The following CEP112 variants were observed in gnomAD, a reference collection of about 807,000 sequenced individuals.
CEP112 encodes centrosomal protein 112.
CEP112 carries 127 observed loss-of-function variants against 153.0 expected under a neutral mutation model. The observed-to-expected ratio is 0.83, with a 90% CI of 0.72 to 0.96. CEP112 has a LOEUF of 0.96. Among genes scored for constraint, CEP112 ranks in the 40% least tolerant of loss-of-function variants. The pLI is 0.00. For missense variants in CEP112, 1,089 were observed against 1,101.2 expected, an observed-to-expected ratio of 0.99 and a Z score of 0.16; for synonymous variants, 358 against 374.4, an observed-to-expected ratio of 0.96 and a Z score of 0.51.
intron 17 of CEP112, among the ~76,000 whole-genome samples, chr17:65,966,856 T>C (rs2062433249): frequency 6.6e-6 from 1 of 152,138 alleles, no homozygotes; most frequent in Admixed American, 6.6e-5. Context: ...CCCAGTAAAA[T>C]GAAAATTAGT....
chr17:66,015,708 C>T (rs1345453), intron 16 of CEP112, among the ~76,000 whole-genome samples: 62,523 of 152,082 alleles, frequency 0.41, 14,317 homozygotes, highest in East Asian at 0.87. Flanking sequence ...AAATCATTCT[C>T]TTTGTACTGT....
intron 2 of CEP112, among the ~76,000 whole-genome samples, chr17:66,180,968 C>T (rs968726123): frequency 6.6e-6 from 1 of 152,010 alleles, no homozygotes; most frequent in Non-Finnish European, 1.5e-5. Flanking sequence ...ATAAAATAAA[C>T]TTCATGAAAT....
intron 17 of CEP112, among the ~76,000 whole-genome samples, chr17:65,967,429 T>TG (rs2062454154): frequency 6.6e-6 from 1 of 152,186 alleles, no homozygotes; most frequent in Non-Finnish European, 1.5e-5. Context: ...ACAAGGGTGC[T>TG]GGCAGCAAAT....
chr17:65,924,881 G>C (rs981010549), intron 19 of CEP112, among the ~76,000 whole-genome samples: 2 of 152,108 alleles, frequency 1.3e-5, no homozygotes, highest in African/African-American at 4.8e-5. Context: ...AAGCCTCTGT[G>C]TTTTGTTTCA....
At chr17:65,938,116 AC>A (rs1443256077) in intron 18 of CEP112, among the ~76,000 whole-genome samples, 1 of 117,346 alleles carries the variant, frequency 8.5e-6, no homozygotes, top group South Asian at 4.1e-4. Flanking sequence ...CTGTGACCTT[AC>A]CCCCAACCCT....
rs141345338 is a variant in CEP112 at position 65,988,996 on chromosome 17, G to A, written c.1736+16694C>T. On this transcript the variant is annotated intron_variant, in intron 17 of 26. Coordinates refer to ENST00000535342, the MANE Select transcript of CEP112 (RefSeq NM_001199165.4). ...TCCCAGCACTTTGGGACGCTGAGGC[G>A]GGCAGATCACCAGGTCAGGAGATCG... Among the ~76,000 whole-genome samples, 463 of 152,010 alleles carry A rather than the reference G, an allele frequency of 3.0e-3. 3 individuals are homozygous for A. Among genetic ancestry groups the A allele is most frequent in the African/African-American group, 0.01 (417 of 41,476 alleles).
intron 16 of CEP112, among the ~76,000 whole-genome samples, chr17:66,023,415 C>G (rs1281516469): frequency 6.6e-6 from 1 of 152,114 alleles, no homozygotes; most frequent in Non-Finnish European, 1.5e-5. Context: ...GGGATCCGAT[C>G]TTCAGAGTGC....
chr17:65,975,981 G>GCA (rs1433193080), intron 17 of CEP112, among the ~76,000 whole-genome samples: 5 of 152,242 alleles, frequency 3.3e-5, no homozygotes, highest in Non-Finnish European at 7.3e-5. Flanking sequence ...TGTGCTGGAT[G>GCA]TGTTACGCAA....
intron 6 of CEP112, among the ~76,000 whole-genome samples, chr17:66,098,892 T>C (rs1314236576): frequency 1.3e-5 from 2 of 152,018 alleles, no homozygotes; most frequent in African/African-American, 4.8e-5. Flanking sequence ...GCCAGAGTGG[T>C]AGCATGGGGA....
chr17:65,760,963 C>T (rs35472390), intron 21 of CEP112, among the ~76,000 whole-genome samples: 41,302 of 151,894 alleles, frequency 0.27, 7,150 homozygotes, highest in Middle Eastern at 0.43. Flanking sequence ...TCTTTTTCTG[C>T]CTGTGCGAGT....
intron 21 of CEP112, among the ~76,000 whole-genome samples, chr17:65,844,843 G>A (rs9907056): frequency 0.39 from 58,362 of 151,504 alleles, 12,046 homozygotes; most frequent in East Asian, 0.79. Context: ...ATGAAACCCC[G>A]TCTCTACTAA....
chr17:65,946,316 G>T (rs1004137268), intron 18 of CEP112, among the ~76,000 whole-genome samples: 16 of 152,150 alleles, frequency 1.1e-4, no homozygotes, highest in Non-Finnish European at 2.4e-4. Flanking sequence ...CCCTTCATTT[G>T]TATATTTACA....
intron 24 of CEP112, among the ~76,000 whole-genome samples, chr17:65,644,803 C>A (rs1272862608): frequency 6.6e-6 from 1 of 152,180 alleles, no homozygotes; most frequent in Non-Finnish European, 1.5e-5. Flanking sequence ...GTCCCAACTA[C>A]TTGGGAGGCT....
At chr17:66,053,221 A>G (rs962609603) in intron 12 of CEP112, among the ~76,000 whole-genome samples, 1 of 151,220 alleles carries the variant, frequency 6.6e-6, no homozygotes, top group South Asian at 2.1e-4. Flanking sequence ...AATAAATAAG[A>G]CTAGGTACAG....
At chr17:65,748,029 G>A (rs1195824370) in intron 22 of CEP112, among the ~76,000 whole-genome samples, 1 of 152,076 alleles carries the variant, frequency 6.6e-6, no homozygotes, top group African/African-American at 2.4e-5. Flanking sequence ...ATATGAGTTA[G>A]AGATTCCAAC....
rs77924997 is a variant in CEP112 at position 65,965,518 on chromosome 17, C to T, written c.1737-3920G>A. Among the ~76,000 whole-genome samples, 169 of 122,056 alleles carry T rather than the reference C, an allele frequency of 1.4e-3. 3 individuals carry two copies. Among genetic ancestry groups the T allele is most frequent in the South Asian group, 4.9e-3 (18 of 3,674 alleles). The allele number at this position is 122,056 out of a possible 152,430, so 80.1% of individuals were successfully genotyped here. On this transcript the variant is annotated intron_variant, in intron 17 of 26. Coordinates refer to ENST00000535342, the MANE Select transcript of CEP112 (RefSeq NM_001199165.4). ...CTAATATTTAGAAACCTTCTGCCCC[C>T]TTTTTTTTTTTTTTTTTTCTTTGAG...
intron 24 of CEP112, among the ~76,000 whole-genome samples, chr17:65,681,541 T>C (rs973605155): frequency 2.0e-5 from 3 of 150,454 alleles, no homozygotes; most frequent in African/African-American, 7.4e-5. Context: ...GCATCTAGGA[T>C]GCAACATCTA....
chr17:65,752,130 A>AGT lies in CEP112; in HGVS notation c.2395-1408_2395-1407dup, dbSNP rs199650460. Among the ~76,000 whole-genome samples, 80 of 151,212 alleles carry AGT rather than the reference A, an allele frequency of 5.3e-4. 1 individual carries two copies. The East Asian group carries it at 0.013, about 25-fold the overall frequency. ...ATTTTAATTTTTTTCTGCTCAGTAG[A>AGT]GTGTGTGTGTGTGTTTCTGAGTTCC... On this transcript the variant is annotated intron_variant, in intron 21 of 26. Coordinates refer to ENST00000535342, the MANE Select transcript of CEP112 (RefSeq NM_001199165.4).
chr17:65,870,061 G>GAAAGAAAGAAAGAAAGAAAGAAAGA, intron 20 of CEP112, among the ~76,000 whole-genome samples: 6 of 71,976 alleles, frequency 8.3e-5, no homozygotes, highest in South Asian at 4.2e-4. Flanking sequence ...AAGAAAGAAA[G>GAAAGAAAGAAAGAAAGAAAGAAAGA]AAAGAAAGAA....
Sources: gnomAD v4.1 joint callset for allele counts (sites outside exome capture counted in the v4.1 genomes callset) on GRCh38, gnomAD v4.1.1 for gene constraint, MANE v1.5 for transcripts, NCBI Gene and HGNC (gene_info 2026-07-23, HGNC 2026-07-21) for gene names.